Variants in SEMA4D observed in about 807,000 individuals in gnomAD.
SEMA4D encodes semaphorin-4D.
SEMA4D carries 22 observed loss-of-function variants against 74.8 expected under a neutral mutation model. The ratio of observed to expected loss-of-function variants is 0.29; its 90% CI spans 0.21 to 0.42. SEMA4D has a LOEUF of 0.42. SEMA4D is among the 10% of genes least tolerant of loss of function. The pLI is 1.00. For synonymous variants in SEMA4D, 445 were observed against 463.7 expected (o/e 0.96, Z 0.52); for missense variants, 937 against 1,118.4 (o/e 0.84, Z 2.31).
chr9:89,373,914 C>T (rs1835444680), downstream of SEMA4D, among the ~76,000 whole-genome samples: 1 of 152,202 alleles, frequency 6.6e-6, no homozygotes, highest in African/African-American at 2.4e-5. Flanking sequence ...GAAGCATCTA[C>T]AGACCCCAAC....
intron 2 of SEMA4D, among the ~76,000 whole-genome samples, chr9:89,414,237 T>A (rs918432854): frequency 6.6e-6 from 1 of 152,194 alleles, no homozygotes; most frequent in African/African-American, 2.4e-5. Context: ...TGGTGACAGC[T>A]GTGGACTGGC....
chr9:89,460,888 C>T (rs113087163), intron 1 of SEMA4D, among the ~76,000 whole-genome samples: 1,732 of 152,306 alleles, frequency 0.011, 27 homozygotes, highest in African/African-American at 0.039. Flanking sequence ...CACCTAGCCT[C>T]ATATGTGGCC....
At chr9:89,386,965 A>G (rs1046545037) in intron 12 of SEMA4D, among the ~76,000 whole-genome samples, 3 of 152,240 alleles carry the variant, frequency 2.0e-5, no homozygotes, top group Non-Finnish European at 4.4e-5. Context: ...CAGAGTCCAC[A>G]TGCCAGGGCA....
chr9:89,366,958 C>T (rs1388094764), intron 16 of SEMA4D, among the ~76,000 whole-genome samples: 3 of 152,144 alleles, frequency 2.0e-5, no homozygotes, highest in Non-Finnish European at 2.9e-5. Context: ...AATCACCCAA[C>T]GCCCCATCAT....
At chr9:89,362,496 T>C in intron 18 of SEMA4D, 2 of 1,613,746 alleles carry the variant, frequency 1.2e-6, no homozygotes. Flanking sequence ...TGCAGCCCAG[T>C]CTGTCTCATA....
At chr9:89,373,513 G>A (rs1467162136), downstream of SEMA4D, among the ~76,000 whole-genome samples, 1 of 152,288 alleles carries the variant, frequency 6.6e-6, no homozygotes, top group East Asian at 1.9e-4. Context: ...CGCTCCCCAA[G>A]ACACAGGGTC....
At chr9:89,493,656 C>T (rs1002888694) in intron 1 of SEMA4D, among the ~76,000 whole-genome samples, 1 of 152,236 alleles carries the variant, frequency 6.6e-6, no homozygotes, top group African/African-American at 2.4e-5. Flanking sequence ...TAATTTCTTG[C>T]AACAGATCAG....
At chr9:89,427,632 G>T (rs189476236) in intron 2 of SEMA4D, among the ~76,000 whole-genome samples, 1 of 152,156 alleles carries the variant, frequency 6.6e-6, no homozygotes, top group Non-Finnish European at 1.5e-5. Flanking sequence ...TCCACCCCCC[G>T]GTCAGCAGCA....
chr9:89,458,811 TAAAC>T (rs1856581263), intron 1 of SEMA4D, among the ~76,000 whole-genome samples: 1 of 151,952 alleles, frequency 6.6e-6, no homozygotes, highest in African/African-American at 2.4e-5. Context: ...CTTATACACC[TAAAC>T]ACACACTCAT....
chr9:89,457,296 C>T (rs190317866), intron 1 of SEMA4D, among the ~76,000 whole-genome samples: 29 of 152,284 alleles, frequency 1.9e-4, no homozygotes, highest in Non-Finnish European at 3.7e-4. Context: ...GCTGCTGAAT[C>T]ACATTCCAAT....
downstream of SEMA4D, chr9:89,376,773 C>T: frequency 1.3e-6 from 2 of 1,511,922 alleles, no homozygotes; most frequent in Non-Finnish European, 1.8e-6. Context: ...CCCGCCCGCC[C>T]CCCACCTGTG....
At chr9:89,479,503 T>C (rs1398151589) in intron 1 of SEMA4D, 4 of 177,398 alleles carry the variant, frequency 2.3e-5, no homozygotes, top group South Asian at 3.0e-4. Flanking sequence ...CCGGAATTGG[T>C]GGGTTCTTGG....
intron 1 of SEMA4D, among the ~76,000 whole-genome samples, chr9:89,468,041 G>A (rs182648917): frequency 8.5e-5 from 13 of 152,280 alleles, no homozygotes; most frequent in East Asian, 3.9e-4. Flanking sequence ...AATCATTTGC[G>A]AGAAGACACC....
downstream of SEMA4D, among the ~76,000 whole-genome samples, chr9:89,375,401 C>T (rs1042236815): frequency 6.6e-6 from 1 of 152,198 alleles, no homozygotes; most frequent in Admixed American, 6.5e-5. Context: ...AAAGCTCCGT[C>T]TCCACAGTGC....
chr9:89,410,053 G>T lies in SEMA4D; in HGVS notation c.-243-4354C>A, dbSNP rs962937978. On this transcript the variant is annotated intron_variant, in intron 2 of 15. Coordinates refer to ENST00000422704, the MANE Select transcript of SEMA4D (RefSeq NM_001371194.2). Reference sequence around the variant, plus strand: ...GGTGTGCTGGCAAGCTGTAACAACTGGCTCTCCACGGGGTGGGCAGTGGGG... The same window carrying T: ...GGTGTGCTGGCAAGCTGTAACAACTTGCTCTCCACGGGGTGGGCAGTGGGG... Among the ~76,000 whole-genome samples, 7 of 143,210 alleles carry T rather than the reference G, an allele frequency of 4.9e-5. No individual in the cohort carries two copies. The East Asian group carries it at 1.5e-3, about 30-fold the overall frequency. 94.0% of individuals were successfully genotyped at this position (143,210 alleles called of 152,430 possible).
At position 89,379,012 on chromosome 9, in the gene SEMA4D, G is replaced by T; in HGVS notation, c.2281C>A (p.Pro761Thr). The change falls in exon 16 of 16, where the codon CCC becomes ACC. Residue 761 changes from proline (P) to threonine (T), a missense_variant. Pro to Thr is a conservative substitution (Grantham distance 38). Coordinates refer to ENST00000422704, the MANE Select transcript of SEMA4D (RefSeq NM_001371194.2). ...FFYNCYKGYL[P>T]RQCLKFRSAL... Reference sequence around the variant, plus strand: ...GAGCGGAATTTCAAGCACTGTCTGGGCAGGTATCCCTTATAGCAGTTGTAG... The same window carrying T: ...GAGCGGAATTTCAAGCACTGTCTGGTCAGGTATCCCTTATAGCAGTTGTAG... The T allele has an allele frequency of 1.2e-6, 2 of 1,612,290 alleles. No homozygotes were observed. Among genetic ancestry groups the T allele is most frequent in the Non-Finnish European group, 1.7e-6 (2 of 1,179,038 alleles).
rs566084271 is a variant in SEMA4D, at chr9:89,478,258, T to C, written c.-310+19661A>G. 6.6e-5 allele frequency among the ~76,000 whole-genome samples: 10 copies of C among 152,304 alleles called. No homozygotes were observed. In the South Asian group the frequency reaches 2.1e-3, roughly 32 times the overall value. ...CAGGATGAGATCTCCCTGGGTTATC[T>C]GAGTGGGCCCTAAATCCAGGGACAA... On this transcript the variant is annotated intron_variant, in intron 1 of 15. Coordinates refer to ENST00000422704, the MANE Select transcript of SEMA4D (RefSeq NM_001371194.2).
chr9:89,491,697 A>C (rs1564016736), intron 1 of SEMA4D, among the ~76,000 whole-genome samples: 1 of 152,200 alleles, frequency 6.6e-6, no homozygotes, highest in Non-Finnish European at 1.5e-5. Flanking sequence ...CTCTCAGAGA[A>C]GCACACTCCC....
At chr9:89,371,900 GGTAT>G (rs1381375964) in intron 16 of SEMA4D, among the ~76,000 whole-genome samples, 2 of 103,470 alleles carry the variant, frequency 1.9e-5, no homozygotes, top group African/African-American at 8.2e-5. Flanking sequence ...TCTGGGGTGT[GGTAT>G]GTGTGTGGTG....
Sources: allele counts gnomAD v4.1 joint callset (sites outside exome capture counted in the v4.1 genomes callset), GRCh38; gene constraint gnomAD v4.1.1; transcripts MANE v1.5; gene names NCBI Gene and HGNC (gene_info 2026-07-23, HGNC 2026-07-21).